CDS2: variants seen among roughly 807,000 people sequenced by gnomAD.
CDS2 encodes the protein phosphatidate cytidylyltransferase 2.
A neutral mutation model predicts 59.0 loss-of-function variants in CDS2; 47 were observed. The ratio of observed to expected loss-of-function variants is 0.80; its 90% CI spans 0.63 to 1.02. CDS2 has a LOEUF of 1.02. CDS2 is among the 50% of genes least tolerant of loss of function. The pLI is 0.00. For missense variants in CDS2, 356 were observed against 558.9 expected (o/e 0.64, Z 3.66); for synonymous variants, 207 against 206.4 (o/e 1.00, Z -0.02).
At chr20:5,130,991 T>C (rs986190222) in intron 1 of CDS2, among the ~76,000 whole-genome samples, 5 of 147,610 alleles carry the variant, frequency 3.4e-5, no homozygotes, top group African/African-American at 1.3e-4. Context: ...CTCGGAAGGC[T>C]GAGAGGCAGG....
At position 5,147,182 on chromosome 20, in the gene CDS2, G is replaced by GC. The variant is rs992627954; in HGVS notation, c.57+20034dup. On this transcript the variant is annotated intron_variant, in intron 1 of 12. Coordinates refer to ENST00000460006, the MANE Select transcript of CDS2 (RefSeq NM_003818.4). ...GAGAATGGATGTTGGGAGACAACTA[G>GC]CAGTCTCTGAGAACTCTTAAAGGCC... is the stretch of plus-strand genomic sequence containing the variant. 7.9e-5 allele frequency among the ~76,000 whole-genome samples: 12 copies of GC among 152,328 alleles called. No individual in the cohort carries two copies. The Middle Eastern group carries it at 0.01, about 130-fold the overall frequency.
At chr20:5,168,432 AAG>A (rs1206962795) in intron 1 of CDS2, among the ~76,000 whole-genome samples, 19 of 125,060 alleles carry the variant, frequency 1.5e-4, no homozygotes, top group Admixed American at 9.2e-4. Context: ...AAAAAAAAAA[AAG>A]AAAAGAAAAA....
chr20:5,179,177 A>G (rs371711653), intron 5 of CDS2, among the ~76,000 whole-genome samples: 163 of 145,968 alleles, frequency 1.1e-3, no homozygotes, highest in Non-Finnish European at 2.0e-3. Context: ...GCCAGAGTGC[A>G]GTGGCACCAT....
chr20:5,186,939 C>T (rs528382925), intron 10 of CDS2, 100 bp downstream of exon 10: 3 of 1,331,672 alleles, frequency 2.3e-6, no homozygotes, highest in Admixed American at 3.6e-5. Flanking sequence ...TAGCTTCCTC[C>T]TTCCCAAAGC....
intron 1 of CDS2, among the ~76,000 whole-genome samples, chr20:5,134,848 A>ATT (rs2090635838): frequency 6.6e-6 from 1 of 152,190 alleles, no homozygotes; most frequent in Non-Finnish European, 1.5e-5. Context: ...GGTAAGGTAG[A>ATT]AAATGAGCAT....
Position 5,133,804 on chromosome 20 carries a change from C to T in CDS2, c.57+6655C>T, listed in dbSNP as rs986731354. ...CCTACCAAAGTGATGGGATTACAGG[C>T]GTGAGCCACCGCGCCTGGCCTATGA... On this transcript the variant is annotated intron_variant, in intron 1 of 12. Coordinates refer to ENST00000460006, the MANE Select transcript of CDS2 (RefSeq NM_003818.4). 2.6e-5 allele frequency among the ~76,000 whole-genome samples: 4 copies of T among 152,298 alleles called. No individual in the cohort carries two copies. The East Asian group carries it at 7.7e-4, about 29-fold the overall frequency.
At position 5,127,076 on chromosome 20, in the gene CDS2, G is replaced by C; in HGVS notation, c.-17G>C. 4 of 1,489,914 alleles carry C rather than the reference G, an allele frequency of 2.7e-6. No individual in the cohort carries two copies. Among genetic ancestry groups the C allele is most frequent in the Non-Finnish European group, 3.6e-6 (4 of 1,119,876 alleles). 92.3% of individuals were successfully genotyped at this position (1,489,914 alleles called of 1,614,324 possible). A position where few individuals can be genotyped will look rare whatever the true frequency, so the allele number is the denominator to read the frequency against. ...TTCGCTGCTAGCTCGCGGCGACGTC[G>C]GGCCGATTTTCCCAGGATGACAGAG... On this transcript the variant is annotated 5_prime_UTR_variant, in exon 1 of 13. Transcript: ENST00000460006.
intron 1 of CDS2, chr20:5,128,756 T>A (rs2083919): frequency 6.6e-6 from 1 of 152,004 alleles, no homozygotes. Flanking sequence ...AGTTGGTGAG[T>A]ATGCAGATGT....
rs746073089 is a variant in CDS2 at position 5,184,817 on chromosome 20, T to C, written c.672-41T>C. 2.1e-6 allele frequency: 3 copies of C among 1,445,634 alleles called. No individual in the cohort carries two copies. In the South Asian group the frequency reaches 3.4e-5, roughly 17 times the overall value. The allele number at this position is 1,445,634 out of a possible 1,614,324, so 89.6% of individuals were successfully genotyped here. ...TATTTTGTGTACTTTTGAGGTACTG[T>C]CACCTTGCTTGAGTTGATCCTTACT... On this transcript the variant is annotated intron_variant, in intron 7 of 12. Transcript: ENST00000460006. The surrounding 1 kb of genome is among the most constrained non-coding windows in gnomAD (Gnocchi z 4.3).
intron 1 of CDS2, among the ~76,000 whole-genome samples, chr20:5,141,911 G>GA (rs886580526): frequency 1.3e-5 from 2 of 151,510 alleles, no homozygotes; most frequent in Non-Finnish European, 2.9e-5. Context: ...AGAACAGAGG[G>GA]AAAAAAAACG....
chr20:5,159,953 A>C (rs531777682), intron 1 of CDS2, among the ~76,000 whole-genome samples: 1 of 152,254 alleles, frequency 6.6e-6, no homozygotes, highest in Non-Finnish European at 1.5e-5. Context: ...CTTGTGATTC[A>C]GTGCCCTTAT....
At chr20:5,167,209 A>C (rs1216875433) in intron 1 of CDS2, among the ~76,000 whole-genome samples, 1 of 152,206 alleles carries the variant, frequency 6.6e-6, no homozygotes, top group Admixed American at 6.5e-5. Flanking sequence ...AGGTTTTAAG[A>C]AGCTGAATCT....
At chr20:5,158,185 T>A (rs2090848548) in intron 1 of CDS2, among the ~76,000 whole-genome samples, 1 of 149,916 alleles carries the variant, frequency 6.7e-6, no homozygotes, top group Admixed American at 6.6e-5. Flanking sequence ...TTTTTTTTTT[T>A]AAGACAGAGT....
At chr20:5,137,996 G>A (rs567999241) in intron 1 of CDS2, among the ~76,000 whole-genome samples, 10 of 151,592 alleles carry the variant, frequency 6.6e-5, no homozygotes, top group African/African-American at 1.7e-4. Context: ...ATGGGGTTTC[G>A]CTATGTTAGC....
In CDS2 at chr20:5,191,057, C is replaced by G. The variant is rs2091110812; in HGVS notation, c.*823C>G. On this transcript the variant is annotated 3_prime_UTR_variant, in exon 13 of 13. Transcript: ENST00000460006. ...CCATGTTTGTGCTGTAGACTTGCTG[C>G]TGCTGAATCCTTTCTGGGGACTTTC... The G allele has an allele frequency of 6.6e-6, 1 of 152,662 alleles. No individual in the cohort carries two copies. Among genetic ancestry groups the G allele is most frequent in the Non-Finnish European group, 1.5e-5 (1 of 68,066 alleles). The allele number at this position is 152,662 out of a possible 1,614,324, so 9.5% of individuals were successfully genotyped here. A position where few individuals can be genotyped will look rare whatever the true frequency, so the allele number is the denominator to read the frequency against.
chr20:5,185,948 C>G, intron 9 of CDS2, 122 bp downstream of exon 9: 1 of 934,154 alleles, frequency 1.1e-6, no homozygotes, highest in Non-Finnish European at 1.7e-6. Context: ...TGAATGGCAA[C>G]CTTGCCCTGA....
intron 8 of CDS2, 124 bp downstream of exon 8, chr20:5,185,069 C>T: frequency 1.4e-6 from 1 of 705,754 alleles, no homozygotes; most frequent in Non-Finnish European, 2.5e-6. Flanking sequence ...GTCTTCATGT[C>T]TTCCTGGAGA....
chr20:5,185,389 T>C (rs145055693), intron 8 of CDS2, among the ~76,000 whole-genome samples: 55 of 152,312 alleles, frequency 3.6e-4, no homozygotes, highest in African/African-American at 1.3e-3. Context: ...AGTGCCACTA[T>C]ACTCCAGCCT....
rs370528801 is a variant in CDS2, at chr20:5,176,657, G to A, written c.301G>A (p.Val101Ile). The A allele has an allele frequency of 2.0e-4, 330 of 1,613,038 alleles. No homozygotes were observed. The highest frequency in any genetic ancestry group is 2.6e-4 in the Non-Finnish European group (311 of 1,179,158). ...GTTTTGTGTCCCGCAGGTGATGTGC[G>A]TTCAGATTAAGTGTTTCCATGAGAT... is the stretch of plus-strand genomic sequence containing the variant. ...PMVLMIIVMC[V>I]QIKCFHEIIT... is the part of the protein sequence containing the mutation. Residue 101 changes from valine (V) to isoleucine (I), a missense_variant, in exon 4 of 13, where the codon GTT (valine) becomes ATT (isoleucine). Physicochemically the swap from Val to Ile is conservative, Grantham distance 29. Transcript: ENST00000460006.
Sources: allele counts gnomAD v4.1 joint callset (sites outside exome capture counted in the v4.1 genomes callset), GRCh38; gene constraint gnomAD v4.1.1; non-coding constraint Gnocchi (gnomAD v3.1); transcripts MANE v1.5; gene names NCBI Gene and HGNC (gene_info 2026-07-23, HGNC 2026-07-21).